HECTD4: variants seen among roughly 807,000 people sequenced by gnomAD.
HECTD4 encodes HECT domain E3 ubiquitin protein ligase 4, also known as probable E3 ubiquitin-protein ligase HECTD4.
HECTD4 carries 114 observed loss-of-function variants against 471.5 expected under a neutral mutation model. The ratio of observed to expected loss-of-function variants is 0.24; its 90% confidence interval spans 0.21 to 0.28. HECTD4 has a LOEUF of 0.28. HECTD4 is among the 10% of genes least tolerant of loss of function. The pLI, the probability that HECTD4 is intolerant of heterozygous loss-of-function variation, is 1.00. For synonymous variants in HECTD4, 2,012 were observed against 2,256.0 expected, an observed-to-expected ratio of 0.89 and a Z score of 3.07; for missense variants, 3,866 against 5,651.5, an observed-to-expected ratio of 0.68 and a Z score of 10.13.
chr12:112,179,108 G>A lies in HECTD4; in HGVS notation c.11212-26C>T. On this transcript the variant is annotated intron_variant, in intron 63 of 75. Transcript: ENST00000682272. The surrounding 1 kb of genome is among the most constrained non-coding windows in gnomAD (Gnocchi z 4.3). Reference sequence around the variant, plus strand: ...CTGTGGAGCACAGAGGCAGCGGGGAGGCTCTCAGGTTCGCCCTGCAGGGCA... The same window carrying A: ...CTGTGGAGCACAGAGGCAGCGGGGAAGCTCTCAGGTTCGCCCTGCAGGGCA... The A allele has an allele frequency of 6.2e-7, 1 of 1,613,830 alleles. No individual in the cohort carries two copies. The highest frequency in any genetic ancestry group is 8.5e-7 in the Non-Finnish European group (1 of 1,179,840).
Position 112,200,881 on chromosome 12 carries a change from G to A in HECTD4, c.8407-83C>T, listed in dbSNP as rs1044979702. Reference sequence around the variant, plus strand: ...CGTGCGTGCGTGTGTGTGTGCGTGCGTGCGTGTGTGTGTGTGTGTGTGTGT... The same window carrying A: ...CGTGCGTGCGTGTGTGTGTGCGTGCATGCGTGTGTGTGTGTGTGTGTGTGT... On this transcript the variant is annotated intron_variant, in intron 54 of 75. Coordinates refer to ENST00000682272, the MANE Select transcript of HECTD4 (RefSeq NM_001388303.1). The A allele has an allele frequency of 5.3e-4, 589 of 1,121,708 alleles. 1 individual carries two copies. The highest frequency in any genetic ancestry group is 2.6e-4 in the Non-Finnish European group (205 of 794,824). 69.5% of individuals were successfully genotyped at this position (1,121,708 alleles called of 1,614,324 possible).
intron 7 of HECTD4, among the ~76,000 whole-genome samples, chr12:112,284,310 T>C (rs1039253841): frequency 6.6e-6 from 1 of 152,182 alleles, no homozygotes; most frequent in Non-Finnish European, 1.5e-5. Context: ...TCATGGCCCC[T>C]TTCTAGATCC....
chr12:112,172,919 G>A (rs2031287628), intron 66 of HECTD4, 58 bp from the exon 67 acceptor site: 5 of 1,444,598 alleles, frequency 3.5e-6, no homozygotes, highest in Non-Finnish European at 4.9e-6. Flanking sequence ...CGGGATGACT[G>A]TTGCATTTCT....
chr12:112,353,516 T>C (rs77647591), intron 1 of HECTD4, among the ~76,000 whole-genome samples: 1 of 152,184 alleles, frequency 6.6e-6, no homozygotes, highest in Admixed American at 6.5e-5. Flanking sequence ...CAATGACTGG[T>C]TGAATAGAGA....
intron 9 of HECTD4, among the ~76,000 whole-genome samples, chr12:112,277,220 T>G (rs2135631865): frequency 6.6e-6 from 1 of 152,294 alleles, no homozygotes; most frequent in East Asian, 1.9e-4. Flanking sequence ...AAATGGGATA[T>G]TATCCACACT....
chr12:112,251,639 C>G (rs1317042867), intron 23 of HECTD4, among the ~76,000 whole-genome samples: 1 of 152,226 alleles, frequency 6.6e-6, no homozygotes, highest in Non-Finnish European at 1.5e-5. Context: ...AGCTTACATT[C>G]TAGCAGTTAA....
intron 7 of HECTD4, among the ~76,000 whole-genome samples, chr12:112,287,829 C>G (rs2034789213): frequency 2.0e-5 from 3 of 152,128 alleles, no homozygotes; most frequent in Admixed American, 2.0e-4. Context: ...CCAAATCAGG[C>G]AGAAAGATTA....
Position 112,228,857 on chromosome 12 carries a change from G to T in HECTD4, c.6520-46C>A, listed in dbSNP as rs761700130. ...GCACTACCAACCAGCTCTGACGTGT[G>T]GGCAGCTGTCTTACGAGACAAGAGG... On this transcript the variant is annotated intron_variant, in intron 41 of 75. Coordinates refer to ENST00000682272, the MANE Select transcript of HECTD4 (RefSeq NM_001388303.1). The surrounding 1 kb of genome is among the most constrained non-coding windows in gnomAD (Gnocchi z 4.9). The T allele has an allele frequency of 6.4e-7, 1 of 1,559,218 alleles. No individual in the cohort carries two copies. Among genetic ancestry groups the T allele is most frequent in the South Asian group, 1.2e-5 (1 of 85,190 alleles).
chr12:112,333,606 G>A (rs1230338446), intron 1 of HECTD4, among the ~76,000 whole-genome samples: 1 of 152,148 alleles, frequency 6.6e-6, no homozygotes, highest in Non-Finnish European at 1.5e-5. Context: ...CCAGCACTTT[G>A]GGAGGCCAAG....
intron 44 of HECTD4, among the ~76,000 whole-genome samples, chr12:112,225,891 T>G (rs2033221628): frequency 3.3e-5 from 5 of 152,192 alleles, no homozygotes; most frequent in Admixed American, 3.3e-4. Flanking sequence ...GCTTCCCAAG[T>G]AGCTGGGATT....
chr12:112,206,989 T>C (rs2032606651), intron 52 of HECTD4, among the ~76,000 whole-genome samples: 1 of 152,134 alleles, frequency 6.6e-6, no homozygotes, highest in African/African-American at 2.4e-5. Flanking sequence ...TGGAATTAAG[T>C]GTTAGAATAA....
chr12:112,217,063 T>C lies in HECTD4; in HGVS notation c.7207A>G (p.Ile2403Val). 1.3e-6 allele frequency: 2 copies of C among 1,583,752 alleles called. No homozygotes were observed. Among genetic ancestry groups the C allele is most frequent in the Non-Finnish European group, 1.7e-6 (2 of 1,164,282 alleles). ...ACTGGCAGTGGTGAAGTGGCATAGA[T>C]AAAAGTGCCCCGGGGCAGGCCTCCC... is the stretch of plus-strand genomic sequence containing the variant. ...AGGGLPRGTF[I>V]YATSPLPVQA... Residue 2403 changes from isoleucine (I) to valine (V), a missense_variant, in exon 46 of 76, where the codon ATC becomes GTC. Ile to Val is a conservative substitution (Grantham distance 29). Around this residue, in one of 16 missense-constraint regions of HECTD4, gnomAD observed 617 missense variants for 915.1 expected, o/e 0.67. Transcript: ENST00000682272.
intron 64 of HECTD4, 27 bp downstream of exon 64, chr12:112,178,904 G>A: frequency 6.3e-7 from 1 of 1,587,040 alleles, no homozygotes. Context: ...CACAGGCTGG[G>A]CTGCCCAGGC....
chr12:112,216,118 C>G (rs892814212), intron 48 of HECTD4, among the ~76,000 whole-genome samples, 174 bp downstream of exon 48: 10 of 152,158 alleles, frequency 6.6e-5, no homozygotes, highest in African/African-American at 2.4e-4. Context: ...ATGGCGAGGG[C>G]TCATAAAGTG....
In HECTD4 at chr12:112,184,420, G is replaced by T. The variant is rs753506989; in HGVS notation, c.10546C>A (p.Leu3516Ile). 2 of 1,606,166 alleles carry T rather than the reference G, an allele frequency of 1.2e-6. No homozygotes were observed. Among genetic ancestry groups the T allele is most frequent in the Admixed American group, 3.4e-5 (2 of 59,130 alleles). The change falls in exon 61 of 76, where the codon CTC becomes ATC. Residue 3516 changes from leucine (L) to isoleucine (I), a missense_variant. Transcript: ENST00000682272. This position sits in a 1 kb window ranked among gnomAD's most constrained non-coding sequence, Gnocchi z 9.1. Reference sequence around the variant, plus strand: ...AGGCCCGGAGGGATGGGCAGCTCGAGGCCGGCAGGCAGCGGATCCACAGAG... The same window carrying T: ...AGGCCCGGAGGGATGGGCAGCTCGATGCCGGCAGGCAGCGGATCCACAGAG... ...DLSVDPLPAGLELPIPPGLLE... is the reference protein window; with the variant it reads ...DLSVDPLPAGIELPIPPGLLE...
intron 54 of HECTD4, chr12:112,202,823 C>G (rs964301386): frequency 6.6e-6 from 1 of 152,178 alleles, no homozygotes; most frequent in Non-Finnish European, 1.5e-5. Context: ...CTAGCTGTGT[C>G]CTAGGAGAGA....
intron 7 of HECTD4, among the ~76,000 whole-genome samples, chr12:112,305,480 TA>T (rs1212831185): frequency 6.6e-6 from 1 of 152,172 alleles, no homozygotes. Flanking sequence ...TTTCCTTCAC[TA>T]ATTACGATTA....
In HECTD4 at chr12:112,243,870, T is replaced by G. The variant is rs911193678; in HGVS notation, c.4649+4A>C. 1.2e-6 allele frequency: 2 copies of G among 1,613,630 alleles called. No individual in the cohort carries two copies. The highest frequency in any genetic ancestry group is 1.7e-6 in the Non-Finnish European group (2 of 1,179,562). Reference sequence around the variant, plus strand: ...GAACCCAACCCCGGCCATTAGCCATTTACCTCTGATTTGCTCTAGTAAATT... The same window carrying G: ...GAACCCAACCCCGGCCATTAGCCATGTACCTCTGATTTGCTCTAGTAAATT... On this transcript the variant is annotated splice_donor_region_variant and intron_variant, in intron 30 of 75. Transcript: ENST00000682272. This position sits in a 1 kb window ranked among gnomAD's most constrained non-coding sequence, Gnocchi z 6.6.
intron 1 of HECTD4, among the ~76,000 whole-genome samples, chr12:112,340,788 T>C (rs893446572): frequency 6.6e-6 from 1 of 152,198 alleles, no homozygotes; most frequent in African/African-American, 2.4e-5. Context: ...ATCCTCAGAA[T>C]TGTGCATAGG....
Sources: gnomAD v4.1 joint callset for allele counts (sites outside exome capture counted in the v4.1 genomes callset) on GRCh38, gnomAD v4.1.1 for gene constraint, gnomAD v4.1.1 regional missense constraint, Gnocchi (gnomAD v3.1) non-coding constraint, MANE v1.5 for transcripts, NCBI Gene and HGNC (gene_info 2026-07-23, HGNC 2026-07-21) for gene names.